Variants in PUS7 observed in about 807,000 individuals in gnomAD.
PUS7 encodes the protein pseudouridylate synthase 7 homolog.
A neutral mutation model predicts 79.8 loss-of-function variants in PUS7; 48 were observed. That is an observed-to-expected ratio of 0.60 (90% confidence interval 0.48 to 0.76). PUS7 has a LOEUF of 0.76. Ranked by LOEUF, PUS7 falls within the 30% of genes least tolerant of loss-of-function variation. The probability of loss-of-function intolerance (pLI) is 0.00; values close to 1 mark genes in which losing one functional copy is unlikely to be tolerated. For missense variants in PUS7, 729 were observed against 797.6 expected, an observed-to-expected ratio of 0.91 and a Z score of 1.04; for synonymous variants, 286 against 272.2, an observed-to-expected ratio of 1.05 and a Z score of -0.50.
chr7:105,518,913 C>T (rs1041996288), intron 1 of PUS7, among the ~76,000 whole-genome samples: 112 of 151,664 alleles, frequency 7.4e-4, no homozygotes, highest in Admixed American at 1.1e-3. Flanking sequence ...GGATTACAGG[C>T]GCCCGCCACA....
chr7:105,465,863 G>T (rs1008812939), intron 12 of PUS7, among the ~76,000 whole-genome samples: 1 of 148,032 alleles, frequency 6.8e-6, no homozygotes, highest in African/African-American at 2.5e-5. Flanking sequence ...AAAGGAAAAA[G>T]AAATTAAGCT....
intron 12 of PUS7, among the ~76,000 whole-genome samples, chr7:105,465,776 T>C (rs1586092391): frequency 6.6e-6 from 1 of 152,196 alleles, no homozygotes; most frequent in African/African-American, 2.4e-5. Context: ...GAGGTTGCGG[T>C]GAGCTGAGAT....
chr7:105,482,469 A>C, intron 7 of PUS7, 29 bp from the exon 8 acceptor site: 2 of 1,564,828 alleles, frequency 1.3e-6, no homozygotes, highest in African/African-American at 1.4e-5. Flanking sequence ...AAGCAACAAA[A>C]CAAAAAAGAG....
At chr7:105,478,127 A>T (rs1309979649) in intron 9 of PUS7, among the ~76,000 whole-genome samples, 1 of 152,208 alleles carries the variant, frequency 6.6e-6, no homozygotes, top group Non-Finnish European at 1.5e-5. Context: ...AATGTTTTCA[A>T]GGTTCATTCA....
chr7:105,463,642 GTTC>G (rs920404604), intron 13 of PUS7, among the ~76,000 whole-genome samples: 2 of 36,214 alleles, frequency 5.5e-5, no homozygotes, highest in Admixed American at 4.3e-4. Flanking sequence ...ACCTTCTGCA[GTTC>G]TTTTTTTTTT....
intron 1 of PUS7, among the ~76,000 whole-genome samples, chr7:105,514,520 C>A (rs1205761747): frequency 6.7e-6 from 1 of 150,258 alleles, no homozygotes; most frequent in Non-Finnish European, 1.5e-5. Context: ...AGGAGAATGG[C>A]GTGAACCCGG....
intron 4 of PUS7, among the ~76,000 whole-genome samples, 195 bp downstream of exon 4, chr7:105,505,760 G>C (rs570608770): frequency 6.6e-5 from 10 of 152,172 alleles, no homozygotes; most frequent in Non-Finnish European, 1.0e-4. Flanking sequence ...GTAACTTTGG[G>C]GGGGGCTATA....
chr7:105,456,612 T>TA lies in PUS7; in HGVS notation c.*1177dup, dbSNP rs1250744107. 1 of 152,184 alleles carries TA rather than the reference T, an allele frequency of 6.6e-6. No individual in the cohort carries two copies. Among genetic ancestry groups the TA allele is most frequent in the Non-Finnish European group, 1.5e-5 (1 of 68,026 alleles). The allele number at this position is 152,184 out of a possible 1,614,324, so 9.4% of individuals were successfully genotyped here. A position where few individuals can be genotyped will look rare whatever the true frequency, so the allele number is the denominator to read the frequency against. On this transcript the variant is annotated 3_prime_UTR_variant, in exon 16 of 16. Transcript: ENST00000469408. ...AGAAATCATAGAAAATAAAAATTGA[T>TA]ACAATTTTGATATACAACTTTAGAA...
intron 9 of PUS7, among the ~76,000 whole-genome samples, chr7:105,478,051 CT>C (rs1428806854): frequency 5.9e-5 from 9 of 152,276 alleles, no homozygotes; most frequent in Non-Finnish European, 1.3e-4. Flanking sequence ...TCAAGTGATC[CT>C]GCCGCCTTGG....
intron 12 of PUS7, among the ~76,000 whole-genome samples, chr7:105,467,640 T>C (rs1009367222): frequency 1.9e-4 from 29 of 151,962 alleles, no homozygotes; most frequent in African/African-American, 6.8e-4. Context: ...GAGGTGTATT[T>C]ATTTGCTAGA....
intron 8 of PUS7, among the ~76,000 whole-genome samples, chr7:105,481,752 T>G (rs1463489164): frequency 4.7e-5 from 7 of 150,444 alleles, no homozygotes; most frequent in Middle Eastern, 3.2e-3. Flanking sequence ...TTTTTTTGAG[T>G]TGGAGTCTCA....
Position 105,482,394 on chromosome 7 carries a change from A to C in PUS7, c.967T>G (p.Phe323Val). Residue 323 changes from phenylalanine (F) to valine (V), a missense_variant, in exon 8 of 16, where the codon TTT becomes GTT. Coordinates refer to ENST00000469408, the MANE Select transcript of PUS7 (RefSeq NM_019042.5). Reference protein sequence around the residue: ...LAHLNKCLMNFKLGNFSYQKN... With the variant: ...LAHLNKCLMNVKLGNFSYQKN... ...TGATAGCTGAAATTCCCTAGCTTAA[A>C]GTTCATCAAGCACTTATTCAGGTGG... The C allele has an allele frequency of 6.2e-7, 1 of 1,612,312 alleles. No individual in the cohort carries two copies. Among genetic ancestry groups the C allele is most frequent in the East Asian group, 2.2e-5 (1 of 44,862 alleles).
chr7:105,475,217 GCT>G (rs1824040112), intron 9 of PUS7, among the ~76,000 whole-genome samples: 1 of 151,862 alleles, frequency 6.6e-6, no homozygotes, highest in Non-Finnish European at 1.5e-5. Flanking sequence ...ATGGAGTCTC[GCT>G]CTGTCACCCA....
intron 12 of PUS7, 75 bp from the exon 13 acceptor site, chr7:105,465,489 T>C (rs1162432998): frequency 1.4e-5 from 16 of 1,108,086 alleles, no homozygotes; most frequent in East Asian, 1.0e-4. Context: ...TAAAATTATA[T>C]ACATCTAAGC....
At chr7:105,504,293 A>T in intron 4 of PUS7, among the ~76,000 whole-genome samples, 1 of 151,002 alleles carries the variant, frequency 6.6e-6, no homozygotes, top group East Asian at 2.0e-4. Flanking sequence ...CTGGTCTCGA[A>T]CTCCTGACCT....
intron 14 of PUS7, among the ~76,000 whole-genome samples, chr7:105,461,986 G>A (rs818461): frequency 0.88 from 132,856 of 151,698 alleles, 59,539 homozygotes; most frequent in South Asian, 0.97. Context: ...GAGGCTGCAG[G>A]AAGCCATGAT....
At position 105,460,770 on chromosome 7, in the gene PUS7, C is replaced by T. The variant is rs375369288; in HGVS notation, c.1758-1511G>A. Among the ~76,000 whole-genome samples the T allele has an allele frequency of 2.8e-3, 379 of 136,552 alleles. 4 individuals carry two copies. The highest frequency in any genetic ancestry group is 0.023 in the East Asian group (106 of 4,552). The allele number at this position is 136,552 out of a possible 152,430, so 89.6% of individuals were successfully genotyped here. On this transcript the variant is annotated intron_variant, in intron 14 of 15. Coordinates refer to ENST00000469408, the MANE Select transcript of PUS7 (RefSeq NM_019042.5). Reference sequence around the variant, plus strand: ...TCGGGAGGCTGAGGCAGGAGAATGGCGCGAACCCGGGAGGCGGAGCTTGCA... The same window carrying T: ...TCGGGAGGCTGAGGCAGGAGAATGGTGCGAACCCGGGAGGCGGAGCTTGCA...
At chr7:105,474,000 TA>T (rs1180131768) in intron 9 of PUS7, among the ~76,000 whole-genome samples, 1 of 152,242 alleles carries the variant, frequency 6.6e-6, no homozygotes, top group African/African-American at 2.4e-5. Flanking sequence ...ACTTTTACTA[TA>T]GTATTGCTGT....
At chr7:105,502,191 G>A (rs938251579) in intron 5 of PUS7, among the ~76,000 whole-genome samples, 12 of 152,006 alleles carry the variant, frequency 7.9e-5, no homozygotes, top group Non-Finnish European at 1.8e-4. Flanking sequence ...TATAATTTCA[G>A]CAAATCTTTA....
Sources: allele counts gnomAD v4.1 joint callset (sites outside exome capture counted in the v4.1 genomes callset), GRCh38; gene constraint gnomAD v4.1.1; transcripts MANE v1.5; gene names NCBI Gene and HGNC (gene_info 2026-07-23, HGNC 2026-07-21).